The following PCDHAC1 variants were observed in gnomAD, a reference collection of about 807,000 sequenced individuals.
PCDHAC1 encodes protocadherin alpha-C1.
A neutral mutation model predicts 60.0 loss-of-function variants in PCDHAC1; 42 were observed. That is an observed-to-expected ratio of 0.70 (90% CI 0.55 to 0.90). The LOEUF (loss-of-function observed/expected upper bound fraction) is 0.90. PCDHAC1 is among the 40% of genes least tolerant of loss of function. PCDHAC1 has a pLI of 0.00. For missense variants in PCDHAC1, 1,160 were observed against 1,222.3 expected, an observed-to-expected ratio of 0.95 and a Z score of 0.76; for synonymous variants, 468 against 499.3, an observed-to-expected ratio of 0.94 and a Z score of 0.84.
At chr5:140,955,096 T>G (rs1366148224) in intron 1 of PCDHAC1, among the ~76,000 whole-genome samples, 1 of 152,178 alleles carries the variant, frequency 6.6e-6, no homozygotes, top group Non-Finnish European at 1.5e-5. Flanking sequence ...GTGTGTGGTG[T>G]TATTTCTGAG....
intron 1 of PCDHAC1, among the ~76,000 whole-genome samples, chr5:140,976,568 TA>T (rs2096723296): frequency 6.6e-6 from 1 of 152,050 alleles, no homozygotes; most frequent in Non-Finnish European, 1.5e-5. Context: ...AATAAATAAA[TA>T]TAAATAAAAC....
At chr5:140,963,714 A>G (rs1554226741) in intron 1 of PCDHAC1, among the ~76,000 whole-genome samples, 2 of 152,260 alleles carry the variant, frequency 1.3e-5, no homozygotes, top group Admixed American at 6.5e-5. Context: ...GCCATGCTAC[A>G]TATAGACTGC....
chr5:140,947,756 T>A (rs1354995389), intron 1 of PCDHAC1, among the ~76,000 whole-genome samples: 1 of 151,644 alleles, frequency 6.6e-6, no homozygotes, highest in Non-Finnish European at 1.5e-5. Flanking sequence ...TATTTTATGG[T>A]TTAAAAAATT....
intron 1 of PCDHAC1, among the ~76,000 whole-genome samples, chr5:140,943,257 CAAAAAAAAAAA>C (rs1238620023): frequency 1.3e-5 from 1 of 77,574 alleles, no homozygotes. Flanking sequence ...GACTCTGTCT[CAAAAAAAAAAA>C]AAAAAAAAAG....
Position 140,992,419 on chromosome 5 carries a change from A to C in PCDHAC1, c.2581+9856A>C, listed in dbSNP as rs554370784. The stretch of plus-strand genomic sequence containing the variant: ...GAGATATTGTTCTGCCCCAGGTCTA[A>C]GAATATTGTTCCAAGAGTTGGGAGC... On this transcript the variant is annotated intron_variant, in intron 3 of 3. Transcript: ENST00000253807. Among the ~76,000 whole-genome samples the C allele has an allele frequency of 3.3e-5, 5 of 152,318 alleles. No individual in the cohort carries two copies. In the East Asian group the frequency reaches 7.7e-4, roughly 23 times the overall value.
intron 1 of PCDHAC1, among the ~76,000 whole-genome samples, chr5:140,946,661 G>C (rs2094005923): frequency 7.6e-6 from 1 of 132,422 alleles, no homozygotes; most frequent in Non-Finnish European, 1.6e-5. Flanking sequence ...CCATTAGAAA[G>C]AATGAAATCC....
At chr5:140,931,023 T>C (rs146623712) in intron 1 of PCDHAC1, among the ~76,000 whole-genome samples, 1 of 152,322 alleles carries the variant, frequency 6.6e-6, no homozygotes, top group African/African-American at 2.4e-5. Context: ...AATTTTCTGA[T>C]TGTAGAGCTA....
Position 140,974,189 on chromosome 5 carries a change from G to T in PCDHAC1, c.2434-4760G>T, listed in dbSNP as rs146863475. On this transcript the variant is annotated intron_variant, in intron 1 of 3. Transcript: ENST00000253807. ...AGAATTTTAACTTGACAAATGCAAA[G>T]GAATATCCAACATTGCAAAGGTAAA... Among the ~76,000 whole-genome samples the T allele has an allele frequency of 7.6e-3, 1,163 of 152,258 alleles. 4 individuals carry two copies. The highest frequency in any genetic ancestry group is 0.014 in the Middle Eastern group (4 of 294).
chr5:140,944,133 G>C (rs1051812384), intron 1 of PCDHAC1, among the ~76,000 whole-genome samples: 2 of 152,134 alleles, frequency 1.3e-5, no homozygotes, highest in Non-Finnish European at 2.9e-5. Context: ...AGAAAAGGTT[G>C]AAGATTAGAA....
At chr5:140,938,468 A>T (rs1427570517) in intron 1 of PCDHAC1, among the ~76,000 whole-genome samples, 1 of 152,096 alleles carries the variant, frequency 6.6e-6, no homozygotes, top group Non-Finnish European at 1.5e-5. Flanking sequence ...TTAATTTATT[A>T]TGTTTTTTAA....
chr5:140,954,777 T>C (rs1563274185), intron 1 of PCDHAC1, among the ~76,000 whole-genome samples: 1 of 152,214 alleles, frequency 6.6e-6, no homozygotes, highest in African/African-American at 2.4e-5. Flanking sequence ...TTAATTTAAT[T>C]AGATCTCATT....
intron 3 of PCDHAC1, among the ~76,000 whole-genome samples, chr5:141,006,194 A>G (rs1455369245): frequency 1.3e-5 from 2 of 149,246 alleles, no homozygotes; most frequent in African/African-American, 2.5e-5. Context: ...TGCTATATGT[A>G]TGTTATGCCT....
rs2095730579 is a variant in PCDHAC1 at position 140,963,035 on chromosome 5, T to C, written c.2434-15914T>C. Among the ~76,000 whole-genome samples, 3 of 152,330 alleles carry C rather than the reference T, an allele frequency of 2.0e-5. No individual in the cohort carries two copies. The South Asian group carries it at 6.2e-4, about 32-fold the overall frequency. On this transcript the variant is annotated intron_variant, in intron 1 of 3. Transcript: ENST00000253807. ...AAGAAAATGAAGCAATTAACATTTA[T>C]TGAGAGTCTATAAGGGTTTCTACAT...
At chr5:140,944,995 T>A (rs246062) in intron 1 of PCDHAC1, among the ~76,000 whole-genome samples, 85,717 of 151,900 alleles carry the variant, frequency 0.56, 24,795 homozygotes, top group African/African-American at 0.69. Flanking sequence ...TCTGTAACGG[T>A]TGTGGGTCAT....
At chr5:140,957,221 C>T (rs1171404836) in intron 1 of PCDHAC1, among the ~76,000 whole-genome samples, 3 of 151,984 alleles carry the variant, frequency 2.0e-5, no homozygotes, top group Non-Finnish European at 4.4e-5. Flanking sequence ...AAAAATTTGG[C>T]GAAGCATTTT....
Position 140,927,020 on chromosome 5 carries a change from T to G in PCDHAC1, c.128T>G (p.Leu43Trp). 1 of 1,612,524 alleles carries G rather than the reference T, an allele frequency of 6.2e-7. No individual in the cohort carries two copies. The highest frequency in any genetic ancestry group is 8.5e-7 in the Non-Finnish European group (1 of 1,178,998). The change falls in exon 1 of 4, where the codon TTG (leucine) becomes TGG (tryptophan). Residue 43 changes from leucine to tryptophan, a missense_variant. By Grantham distance (61) the Leu-to-Trp change is moderately conservative. This residue lies in a region of PCDHAC1 where 4 missense variants were observed against 18.2 expected (regional missense o/e 0.22). Transcript: ENST00000253807. Reference protein sequence around the residue: ...GVAVGNLSADLRLPAAAMSSR... With the variant: ...GVAVGNLSADWRLPAAAMSSR... Reference sequence around the variant, plus strand: ...GCCGTAGGCAATCTCTCCGCGGACTTGAGGCTGCCAGCGGCCGCTATGTCC... The same window carrying G: ...GCCGTAGGCAATCTCTCCGCGGACTGGAGGCTGCCAGCGGCCGCTATGTCC...
intron 1 of PCDHAC1, among the ~76,000 whole-genome samples, chr5:140,956,665 G>GCTTT (rs1273636843): frequency 1.3e-5 from 2 of 152,004 alleles, no homozygotes; most frequent in Non-Finnish European, 2.9e-5. Flanking sequence ...TGGCCTTAAA[G>GCTTT]GAGTTAGGGA....
intron 1 of PCDHAC1, among the ~76,000 whole-genome samples, chr5:140,964,964 C>T (rs1035701368): frequency 2.6e-5 from 4 of 152,212 alleles, no homozygotes; most frequent in Non-Finnish European, 4.4e-5. Flanking sequence ...GTTGGTGGAA[C>T]GAAGGGATGT....
chr5:140,967,472 G>C (rs782183935), intron 1 of PCDHAC1: 3 of 1,613,430 alleles, frequency 1.9e-6, no homozygotes, highest in Non-Finnish European at 2.5e-6. Flanking sequence ...GGGCATCCCA[G>C]CCCGCTCGGG....
Sources: gnomAD v4.1 joint callset for allele counts (sites outside exome capture counted in the v4.1 genomes callset) on GRCh38, gnomAD v4.1.1 for gene constraint, gnomAD v4.1.1 regional missense constraint, MANE v1.5 for transcripts, NCBI Gene and HGNC (gene_info 2026-07-23, HGNC 2026-07-21) for gene names.